Variants in ATXN7 observed in about 807,000 individuals in gnomAD.
ATXN7 encodes ataxin-7.
In ATXN7, 12 loss-of-function variants were observed where a neutral mutation model predicts 70.5. That is an observed-to-expected ratio of 0.17 (90% CI 0.11 to 0.28). The LOEUF is 0.28. ATXN7 is among the 10% of genes least tolerant of loss of function. The probability of loss-of-function intolerance (pLI) is 1.00; values close to 1 mark genes in which losing one functional copy is unlikely to be tolerated. For synonymous variants in ATXN7, 498 were observed against 448.7 expected, an observed-to-expected ratio of 1.11 and a Z score of -1.39; for missense variants, 1,256 against 1,131.7, an observed-to-expected ratio of 1.11 and a Z score of -1.58.
At chr3:63,983,597 C>T (rs745559609) in intron 8 of ATXN7, among the ~76,000 whole-genome samples, 6 of 151,596 alleles carry the variant, frequency 4.0e-5, no homozygotes, top group South Asian at 2.1e-4. Context: ...GAGAACATTA[C>T]GAGACCCATC....
intron 4 of ATXN7, among the ~76,000 whole-genome samples, chr3:63,949,480 C>T (rs540059520): frequency 6.6e-6 from 1 of 152,192 alleles, no homozygotes; most frequent in South Asian, 2.1e-4. Context: ...CTCATGGCAA[C>T]CTCCACCTCC....
rs1220858299 is a variant in ATXN7 at position 63,913,358 on chromosome 3, A to T, written c.394+133A>T. The T allele has an allele frequency of 1.8e-5, 17 of 925,464 alleles. No individual in the cohort carries two copies. The East Asian group carries it at 4.5e-4, about 25-fold the overall frequency. The allele number at this position is 925,464 out of a possible 1,614,324, so 57.3% of individuals were successfully genotyped here. A position where few individuals can be genotyped will look rare whatever the true frequency, so the allele number is the denominator to read the frequency against. ...GTGCCTGCGAAGATGCTGCCTGAGGAGGGAGGGAGGGGGCAGAGCGCTTGG... is the reference window on the plus strand; with the variant it reads ...GTGCCTGCGAAGATGCTGCCTGAGGTGGGAGGGAGGGGGCAGAGCGCTTGG... On this transcript the variant is annotated intron_variant, in intron 4 of 12. Coordinates refer to ENST00000674280, the MANE Select transcript of ATXN7 (RefSeq NM_001377405.1).
At chr3:63,982,874 T>G in intron 7 of ATXN7, 65 bp from the exon 8 acceptor site, 1 of 1,241,892 alleles carries the variant, frequency 8.1e-7, no homozygotes, top group Non-Finnish European at 1.2e-6. Context: ...TTCTATTTTC[T>G]TGCTTAAAAA....
At position 63,912,725 on chromosome 3, in the gene ATXN7, C is replaced by T; in HGVS notation, c.127C>T (p.Pro43Ser). 1.6e-6 allele frequency: 2 copies of T among 1,249,000 alleles called. No homozygotes were observed. The highest frequency in any genetic ancestry group is 1.0e-6 in the Non-Finnish European group (1 of 987,548). 77.4% of individuals were successfully genotyped at this position (1,249,000 alleles called of 1,614,324 possible). A position where few individuals can be genotyped will look rare whatever the true frequency, so the allele number is the denominator to read the frequency against. The change falls in exon 3 of 13, where the codon CCG (proline) becomes TCG (serine). Residue 43 changes from proline to serine, a missense_variant. By Grantham distance (74) the Pro-to-Ser change is moderately conservative. Coordinates refer to ENST00000674280, the MANE Select transcript of ATXN7 (RefSeq NM_001377405.1). ...QQQQQQQPPP[P>S]QPQRQQHPPP... ...GCAGCAGCAGCAGCAGCCGCCGCCT[C>T]CGCAGCCCCAGCGGCAGCAGCACCC...
rs758860717 is a variant in ATXN7 at position 63,995,623 on chromosome 3, A to G, written c.1801A>G (p.Thr601Ala). 5 of 1,614,210 alleles carry G rather than the reference A, an allele frequency of 3.1e-6. No individual in the cohort carries two copies. The highest frequency in any genetic ancestry group is 1.6e-4 in the Middle Eastern group (1 of 6,062). ...VSYLAAATVS[T>A]SPVLLSSTCI... Reference sequence around the variant, plus strand: ...CTATCTGGCAGCAGCCACCGTCTCTACATCCCCAGTCCTGCTCTCATCTAC... The same window carrying G: ...CTATCTGGCAGCAGCCACCGTCTCTGCATCCCCAGTCCTGCTCTCATCTAC... Residue 601 changes from threonine to alanine, a missense_variant, in exon 12 of 13, where the codon ACA (threonine) becomes GCA (alanine). Transcript: ENST00000674280.
chr3:63,992,349 A>G lies in ATXN7; in HGVS notation c.1682+1490A>G, dbSNP rs3774728. 5.9e-5 allele frequency among the ~76,000 whole-genome samples: 9 copies of G among 152,314 alleles called. No individual in the cohort carries two copies. In the East Asian group the frequency reaches 1.5e-3, roughly 26 times the overall value. On this transcript the variant is annotated intron_variant, in intron 11 of 12. Transcript: ENST00000674280. ...TTATGAAGGAACATTGTCCCTGGCT[A>G]GACACAGAATCAGGGGACTGGGTTT... is the stretch of plus-strand genomic sequence containing the variant.
chr3:63,869,577 A>G (rs939069105), intron 1 of ATXN7, among the ~76,000 whole-genome samples: 1 of 152,138 alleles, frequency 6.6e-6, no homozygotes, highest in Non-Finnish European at 1.5e-5. Context: ...GGCATGTGCC[A>G]CTACGCCCAG....
intron 5 of ATXN7, among the ~76,000 whole-genome samples, chr3:63,961,711 T>A (rs965171556): frequency 1.4e-4 from 21 of 151,930 alleles, no homozygotes; most frequent in African/African-American, 2.7e-4. Context: ...AAATTTTTTT[T>A]AAAAAGGCTT....
chr3:63,910,911 C>T (rs1703991816), intron 2 of ATXN7, among the ~76,000 whole-genome samples: 1 of 152,036 alleles, frequency 6.6e-6, no homozygotes, highest in Non-Finnish European at 1.5e-5. Context: ...AGCAATCCCA[C>T]CTTATGTTTG....
chr3:63,931,834 G>A (rs1488881905), intron 4 of ATXN7, among the ~76,000 whole-genome samples: 2 of 152,212 alleles, frequency 1.3e-5, no homozygotes, highest in East Asian at 1.9e-4. Flanking sequence ...AAGTTTTAAC[G>A]ATAATAAAAC....
intron 4 of ATXN7, among the ~76,000 whole-genome samples, chr3:63,934,523 A>G (rs2107348381): frequency 6.6e-6 from 1 of 152,324 alleles, no homozygotes; most frequent in East Asian, 1.9e-4. Context: ...GAATATTTCT[A>G]GATGGGAACT....
At chr3:63,863,682 G>C, upstream of ATXN7, 1 of 1,237,830 alleles carries the variant, frequency 8.1e-7, no homozygotes, top group Non-Finnish European at 1.0e-6. Context: ...AGGCCGAGGG[G>C]TTCCCGGAAG....
At chr3:63,971,010 G>T (rs1314951364) in intron 5 of ATXN7, among the ~76,000 whole-genome samples, 2 of 152,164 alleles carry the variant, frequency 1.3e-5, no homozygotes, top group Non-Finnish European at 2.9e-5. Context: ...GCACTTTCCC[G>T]TTAGGTTTTA....
intron 12 of ATXN7, chr3:63,997,694 C>T: frequency 3.9e-6 from 6 of 1,551,598 alleles, no homozygotes; most frequent in Non-Finnish European, 5.2e-6. Flanking sequence ...AAATGTGAGG[C>T]TCTTTTTCAT....
chr3:63,996,535 G>A, intron 12 of ATXN7, 52 bp downstream of exon 12: 3 of 1,435,204 alleles, frequency 2.1e-6, no homozygotes, highest in Non-Finnish European at 2.8e-6. Context: ...TCTCCCTTAA[G>A]ATCTTTTGTC....
chr3:63,937,985 G>A (rs989063877), intron 4 of ATXN7, among the ~76,000 whole-genome samples: 2 of 152,230 alleles, frequency 1.3e-5, no homozygotes, highest in Admixed American at 6.5e-5. Context: ...CATGGTAGCT[G>A]TTGTTAGGTT....
chr3:63,934,250 A>G (rs1003583674), intron 4 of ATXN7, among the ~76,000 whole-genome samples: 18 of 151,908 alleles, frequency 1.2e-4, no homozygotes, highest in African/African-American at 4.4e-4. Flanking sequence ...ATTCCTGCCT[A>G]CTCGGAGGCT....
rs866010651 is a variant in ATXN7 at position 63,864,125 on chromosome 3, A to C, written c.-144A>C. Among the ~76,000 whole-genome samples, 1 of 144,756 alleles carries C rather than the reference A, an allele frequency of 6.9e-6. No individual in the cohort carries two copies. The allele number at this position is 144,756 out of a possible 152,430, so 95.0% of individuals were successfully genotyped here. On this transcript the variant is annotated 5_prime_UTR_variant, in exon 1 of 13. Transcript: ENST00000674280. Reference sequence around the variant, plus strand: ...TGCAGCCCCCGCCCGGCCCACGCCCAGAGGCCGCCCCGGAGGCCGCAGCCA... The same window carrying C: ...TGCAGCCCCCGCCCGGCCCACGCCCCGAGGCCGCCCCGGAGGCCGCAGCCA...
intron 1 of ATXN7, among the ~76,000 whole-genome samples, chr3:63,880,041 G>A (rs1575840186): frequency 1.3e-5 from 2 of 151,752 alleles, no homozygotes; most frequent in Admixed American, 6.6e-5. Context: ...AGCTGAGATC[G>A]CGCCACTGCA....
Sources: gnomAD v4.1 joint callset for allele counts (sites outside exome capture counted in the v4.1 genomes callset) on GRCh38, gnomAD v4.1.1 for gene constraint, MANE v1.5 for transcripts, NCBI Gene and HGNC (gene_info 2026-07-23, HGNC 2026-07-21) for gene names.